Variants in FAM120B observed in about 807,000 individuals in gnomAD.
FAM120B encodes the protein constitutive coactivator of peroxisome proliferator-activated receptor gamma.
In FAM120B, 83 loss-of-function variants were observed where a neutral mutation model predicts 96.3. The ratio of observed to expected loss-of-function variants is 0.86; its 90% CI spans 0.72 to 1.03. FAM120B has a LOEUF of 1.03. FAM120B is among the 50% of genes least tolerant of loss of function. The pLI is 0.00. For synonymous variants in FAM120B, 407 were observed against 402.7 expected (o/e 1.01, Z -0.13); for missense variants, 1,027 against 1,121.2 (o/e 0.92, Z 1.20).
chr6:170,340,943 C>A (rs939800151), intron 4 of FAM120B, among the ~76,000 whole-genome samples: 2 of 152,332 alleles, frequency 1.3e-5, no homozygotes, highest in African/African-American at 4.8e-5. Context: ...GGAGGTCTCT[C>A]CCAGTCAGGA....
upstream of FAM120B, among the ~76,000 whole-genome samples, chr6:170,301,950 C>T (rs1283668091): frequency 6.6e-6 from 1 of 152,196 alleles, no homozygotes; most frequent in Admixed American, 6.5e-5. Context: ...ATTTTCCTAT[C>T]TTCTACTGAG....
chr6:170,307,254 TAGAAG>T (rs1197127418), intron 1 of FAM120B, among the ~76,000 whole-genome samples: 1 of 152,240 alleles, frequency 6.6e-6, no homozygotes. Flanking sequence ...TGGTCGTCTC[TAGAAG>T]AGAGAGGCAT....
chr6:170,368,826 G>GT (rs988285853), intron 6 of FAM120B, among the ~76,000 whole-genome samples: 5 of 149,604 alleles, frequency 3.3e-5, no homozygotes, highest in African/African-American at 1.0e-4. Flanking sequence ...GGGCTGGGGG[G>GT]GGGGCTCCCT....
At chr6:170,376,210 A>G (rs1327240566) in intron 6 of FAM120B, among the ~76,000 whole-genome samples, 2 of 152,108 alleles carry the variant, frequency 1.3e-5, no homozygotes, top group African/African-American at 4.8e-5. Flanking sequence ...GTTAACAGAC[A>G]AGGGGAGGAG....
chr6:170,364,456 G>A (rs1788650462), intron 6 of FAM120B, among the ~76,000 whole-genome samples: 1 of 152,110 alleles, frequency 6.6e-6, no homozygotes, highest in Admixed American at 6.5e-5. Context: ...TTGAGGAAAG[G>A]GACAGTGTTC....
chr6:170,336,467 G>A (rs572483668), intron 4 of FAM120B, among the ~76,000 whole-genome samples: 15 of 152,298 alleles, frequency 9.8e-5, no homozygotes, highest in African/African-American at 2.9e-4. Context: ...GTCAGGTAGC[G>A]TGATGGCTCC....
intron 4 of FAM120B, among the ~76,000 whole-genome samples, chr6:170,345,626 A>G (rs994217447): frequency 1.3e-5 from 2 of 152,266 alleles, no homozygotes; most frequent in Non-Finnish European, 2.9e-5. Context: ...CAGCCTTCAT[A>G]GAAACTTTTG....
intron 1 of FAM120B, among the ~76,000 whole-genome samples, chr6:170,296,523 CG>C (rs1784013479): frequency 1.3e-5 from 2 of 151,798 alleles, no homozygotes; most frequent in African/African-American, 4.8e-5. Flanking sequence ...CGCGCCCGGC[CG>C]CCGCCTCGTG....
chr6:170,397,394 G>C (rs1355078505), intron 9 of FAM120B, among the ~76,000 whole-genome samples: 1 of 152,132 alleles, frequency 6.6e-6, no homozygotes, highest in Non-Finnish European at 1.5e-5. Context: ...TGAGAGGGTG[G>C]GAGCTGATGC....
At chr6:170,294,907 C>G (rs1296371899), upstream of FAM120B, among the ~76,000 whole-genome samples, 3 of 152,092 alleles carry the variant, frequency 2.0e-5, no homozygotes, top group East Asian at 5.8e-4. The surrounding 1 kb of genome is among the most constrained non-coding windows in gnomAD (Gnocchi z 7.9). Flanking sequence ...GGTCCTTGTT[C>G]AGAATAACAA....
At chr6:170,366,557 A>G (rs112844493) in intron 6 of FAM120B, among the ~76,000 whole-genome samples, 6 of 152,120 alleles carry the variant, frequency 3.9e-5, no homozygotes, top group African/African-American at 1.4e-4. Flanking sequence ...TCAGGGGCCC[A>G]TGTCACCCAC....
At position 170,318,525 on chromosome 6, in the gene FAM120B, A is replaced by G. The variant is rs748761830; in HGVS notation, c.1135A>G (p.Met379Val). Residue 379 changes from methionine (M) to valine (V), a missense_variant, in exon 2 of 11, where the codon ATG becomes GTG. This residue lies in a region of FAM120B where 880 missense variants were observed against 980.9 expected (regional missense o/e 0.90). Coordinates refer to ENST00000476287, the MANE Select transcript of FAM120B (RefSeq NM_032448.3). ...TTCTGAACCCAGGCAAGAAGTTCCC[A>G]TGTGTTCAGACCCTGAACCCAGGCA... is the stretch of plus-strand genomic sequence containing the variant. ...TDSEPRQEVP[M>V]CSDPEPRQEV... The G allele has an allele frequency of 2.5e-6, 4 of 1,579,876 alleles. No individual in the cohort carries two copies. Among genetic ancestry groups the G allele is most frequent in the Admixed American group, 3.5e-5 (2 of 57,594 alleles).
intron 3 of FAM120B, among the ~76,000 whole-genome samples, chr6:170,323,835 AAGTT>A (rs1381393570): frequency 5.9e-5 from 9 of 152,180 alleles, no homozygotes; most frequent in Admixed American, 2.0e-4. Context: ...CCCAAGGAGA[AAGTT>A]AGTGAAGGTC....
At chr6:170,322,038 G>A (rs1392849625) in intron 2 of FAM120B, among the ~76,000 whole-genome samples, 1 of 152,210 alleles carries the variant, frequency 6.6e-6, no homozygotes, top group East Asian at 1.9e-4. Flanking sequence ...TAATAAGAAT[G>A]TTCTTCACTG....
At position 170,317,907 on chromosome 6, in the gene FAM120B, C is replaced by T. The variant is rs774898725; in HGVS notation, c.517C>T (p.Leu173Phe). The change falls in exon 2 of 11, where the codon CTT becomes TTT. Residue 173 changes from leucine to phenylalanine, a missense_variant. Leu to Phe is a conservative substitution (Grantham distance 22, BLOSUM62 0). This residue lies in a region of FAM120B where 880 missense variants were observed against 980.9 expected (regional missense o/e 0.90). Transcript: ENST00000476287. Reference sequence around the variant, plus strand: ...TTCCTATGGCCTCCAGCATAACTGTCTTGGGATTCTGGGGGAAGACACTGA... The same window carrying T: ...TTCCTATGGCCTCCAGCATAACTGTTTTGGGATTCTGGGGGAAGACACTGA... Reference protein sequence around the residue: ...VASYGLQHNCLGILGEDTDYL... With the variant: ...VASYGLQHNCFGILGEDTDYL... 2.5e-6 allele frequency: 4 copies of T among 1,614,182 alleles called. No homozygotes were observed. Among genetic ancestry groups the T allele is most frequent in the Non-Finnish European group, 2.5e-6 (3 of 1,180,024 alleles).
At chr6:170,330,713 C>A (rs1434706435) in intron 4 of FAM120B, 163 bp downstream of exon 4, 2 of 621,728 alleles carry the variant, frequency 3.2e-6, no homozygotes, top group Non-Finnish European at 2.8e-6. Context: ...AACAAAGTCC[C>A]AAAATAATGG....
chr6:170,368,253 G>T (rs1456013530), intron 6 of FAM120B, among the ~76,000 whole-genome samples: 1 of 152,146 alleles, frequency 6.6e-6, no homozygotes, highest in Non-Finnish European at 1.5e-5. Flanking sequence ...TGATCAAAAG[G>T]CCAAGGTTCC....
intron 1 of FAM120B, among the ~76,000 whole-genome samples, chr6:170,314,875 T>C (rs1163816509): frequency 2.0e-4 from 30 of 152,214 alleles, no homozygotes; most frequent in Admixed American, 2.0e-3. Flanking sequence ...TGGTAAGTAG[T>C]ATAGAAGAGC....
intron 6 of FAM120B, among the ~76,000 whole-genome samples, chr6:170,384,317 T>C (rs527911133): frequency 1.3e-5 from 2 of 152,314 alleles, no homozygotes; most frequent in African/African-American, 4.8e-5. Context: ...TGGTGAAGGA[T>C]ACATGGGGCC....
Sources: gnomAD v4.1 joint callset for allele counts (sites outside exome capture counted in the v4.1 genomes callset) on GRCh38, gnomAD v4.1.1 for gene constraint, gnomAD v4.1.1 regional missense constraint, Gnocchi (gnomAD v3.1) non-coding constraint, MANE v1.5 for transcripts, NCBI Gene and HGNC (gene_info 2026-07-23, HGNC 2026-07-21) for gene names.